Variants in MTMR2 observed in about 807,000 individuals in gnomAD.
MTMR2 encodes the protein phosphatidylinositol-3,5-bisphosphate 3-phosphatase MTMR2.
MTMR2 carries 55 observed loss-of-function variants against 86.9 expected under a neutral mutation model. That is an observed-to-expected ratio of 0.63 (90% CI 0.51 to 0.79). The LOEUF (loss-of-function observed/expected upper bound fraction) is 0.79, where lower values mean the gene tolerates loss of function less well. MTMR2 is among the 30% of genes least tolerant of loss of function. The pLI is 0.00. For synonymous variants in MTMR2, 241 were observed against 266.8 expected (o/e 0.90, Z 0.94); for missense variants, 659 against 772.3 (o/e 0.85, Z 1.74).
intron 1 of MTMR2, among the ~76,000 whole-genome samples, chr11:95,918,353 G>A (rs890377887): frequency 6.6e-6 from 1 of 152,166 alleles, no homozygotes; most frequent in African/African-American, 2.4e-5. Context: ...AAGAGATACT[G>A]ATGCTACTGG....
chr11:95,840,131 G>T (rs1863480793), intron 12 of MTMR2: 1 of 152,102 alleles, frequency 6.6e-6, no homozygotes, highest in African/African-American at 2.4e-5. Flanking sequence ...AGATTATCGT[G>T]TACTCTTCTT....
intron 2 of MTMR2, among the ~76,000 whole-genome samples, chr11:95,871,769 T>G (rs190994213): frequency 6.6e-6 from 1 of 152,348 alleles, no homozygotes; most frequent in South Asian, 2.1e-4. Context: ...TTGGCTTTTG[T>G]TGCCATTGCT....
At position 95,835,232 on chromosome 11, in the gene MTMR2, T is replaced by C; in HGVS notation, c.*58A>G. On this transcript the variant is annotated 3_prime_UTR_variant, in exon 15 of 15. Coordinates refer to ENST00000346299, the MANE Select transcript of MTMR2 (RefSeq NM_016156.6). ...CTAAATTCCGAAGACTTTCTACTCATAGAGCTGCCAGTGTAATCAAGAGTG... is the reference window on the plus strand; with the variant it reads ...CTAAATTCCGAAGACTTTCTACTCACAGAGCTGCCAGTGTAATCAAGAGTG... 4.5e-6 allele frequency: 7 copies of C among 1,565,706 alleles called. No individual in the cohort carries two copies. The highest frequency in any genetic ancestry group is 6.2e-6 in the Non-Finnish European group (7 of 1,137,784).
intron 1 of MTMR2, among the ~76,000 whole-genome samples, chr11:95,922,922 C>T (rs915650519): frequency 2.0e-5 from 3 of 152,140 alleles, no homozygotes; most frequent in African/African-American, 7.2e-5. Context: ...TTTCACACAG[C>T]AGTTATCGAA....
At chr11:95,852,912 G>A (rs1283630552) in intron 7 of MTMR2, among the ~76,000 whole-genome samples, 1 of 151,878 alleles carries the variant, frequency 6.6e-6, no homozygotes, top group Non-Finnish European at 1.5e-5. Context: ...ACTCATGCCT[G>A]TAAGCCCAGC....
Position 95,886,581 on chromosome 11 carries a change from T to A in MTMR2, c.186+1575A>T, listed in dbSNP as rs1038471130. ...TTCACATGTATGTCGAGTTAAGTAG[T>A]TTAAACTAATACTCACAAGTATACA... is the stretch of plus-strand genomic sequence containing the variant. On this transcript the variant is annotated intron_variant, in intron 2 of 14. Transcript: ENST00000346299. Among the ~76,000 whole-genome samples the A allele has an allele frequency of 2.0e-5, 3 of 152,142 alleles. No homozygotes were observed. In the South Asian group the frequency reaches 6.2e-4, roughly 32 times the overall value.
rs121434403 is a variant in MTMR2 at position 95,849,841 on chromosome 11, C to T, written c.826G>A (p.Glu276Lys). 1 of 1,614,094 alleles carries T rather than the reference C, an allele frequency of 6.2e-7. No individual in the cohort carries two copies. ...CACCGAGTGATTGTGGCTTGACTTT[C>T]AGGATGAATCCATGATAAAACCTTA... ...RIPVLSWIHP[E>K]SQATITRCSQ... is the part of the protein sequence containing the mutation. Residue 276 changes from glutamate (E) to lysine (K), a missense_variant, in exon 9 of 15, where the codon GAA (glutamate) becomes AAA (lysine). Transcript: ENST00000346299.
At position 95,849,761 on chromosome 11, in the gene MTMR2, G is replaced by A. The variant is rs1425795178; in HGVS notation, c.906C>T (p.Tyr302=). The A allele has an allele frequency of 1.2e-6, 2 of 1,614,064 alleles. No individual in the cohort carries two copies. The highest frequency in any genetic ancestry group is 1.3e-5 in the African/African-American group (1 of 75,032). Reference sequence around the variant, plus strand: ...CATTGGAATCCATGATAGCTTGAAGGTATTTTTCATCTTCTTTGCTTCGCT... The same window carrying A: ...CATTGGAATCCATGATAGCTTGAAGATATTTTTCATCTTCTTTGCTTCGCT... ...SGKRSKEDEK[Y]LQAIMDSNAQ... Residue 302 remains tyrosine (Y), a synonymous_variant, in exon 9 of 15, where the codon TAC becomes TAT. Transcript: ENST00000346299.
intron 12 of MTMR2, among the ~76,000 whole-genome samples, chr11:95,840,279 T>A (rs1212050479): frequency 6.6e-6 from 1 of 152,166 alleles, no homozygotes; most frequent in African/African-American, 2.4e-5. Flanking sequence ...TTCAAAGAGC[T>A]TTCCTACTCC....
chr11:95,870,080 G>T (rs1403758655), intron 2 of MTMR2, among the ~76,000 whole-genome samples: 1 of 152,076 alleles, frequency 6.6e-6, no homozygotes, highest in Non-Finnish European at 1.5e-5. Context: ...ATATTTATTT[G>T]CATGCTGACA....
chr11:95,873,784 G>A (rs886317526), intron 2 of MTMR2, among the ~76,000 whole-genome samples: 1 of 151,966 alleles, frequency 6.6e-6, no homozygotes, highest in Admixed American at 6.5e-5. Context: ...CAGAGATTCT[G>A]GTATGTTGTG....
chr11:95,840,403 A>G lies in MTMR2; in HGVS notation c.1479+1214T>C, dbSNP rs1275154471. The stretch of plus-strand genomic sequence containing the variant: ...GGTCAAACATCCAAAAAAGGATTGT[A>G]GGGACTTAGGTAGTTGATATACTGC... On this transcript the variant is annotated intron_variant, in intron 12 of 14. Transcript: ENST00000346299. 2.0e-5 allele frequency among the ~76,000 whole-genome samples: 3 copies of G among 152,156 alleles called. No individual in the cohort carries two copies. The East Asian group carries it at 5.8e-4, about 29-fold the overall frequency.
intron 2 of MTMR2, among the ~76,000 whole-genome samples, chr11:95,876,611 A>T (rs1865121792): frequency 6.6e-6 from 1 of 152,156 alleles, no homozygotes; most frequent in African/African-American, 2.4e-5. Flanking sequence ...TTATCAAGAA[A>T]AGTCTGATAA....
chr11:95,846,350 A>G (rs1012153555), intron 10 of MTMR2, among the ~76,000 whole-genome samples: 10 of 152,226 alleles, frequency 6.6e-5, no homozygotes, highest in African/African-American at 2.4e-4. Context: ...CAGGGAACAA[A>G]GTTCCTGCTT....
intron 7 of MTMR2, among the ~76,000 whole-genome samples, chr11:95,855,785 G>A (rs1020795572): frequency 1.3e-5 from 2 of 152,012 alleles, no homozygotes; most frequent in Admixed American, 6.5e-5. Flanking sequence ...ATCCCATAAC[G>A]TGGTATCTAT....
At chr11:95,865,236 A>G (rs930413493) in intron 3 of MTMR2, among the ~76,000 whole-genome samples, 2 of 152,206 alleles carry the variant, frequency 1.3e-5, no homozygotes, top group Non-Finnish European at 2.9e-5. Context: ...TGACAATTCA[A>G]TGTTTTTATC....
intron 2 of MTMR2, among the ~76,000 whole-genome samples, chr11:95,873,615 T>C (rs1446475542): frequency 6.6e-6 from 1 of 150,486 alleles, no homozygotes; most frequent in Non-Finnish European, 1.5e-5. Flanking sequence ...TGCTCTGATC[T>C]TAGTTACTTC....
At chr11:95,860,157 C>A (rs1177297226) in intron 5 of MTMR2, among the ~76,000 whole-genome samples, 1 of 152,170 alleles carries the variant, frequency 6.6e-6, no homozygotes, top group Non-Finnish European at 1.5e-5. Context: ...AAACAGTGTG[C>A]TTGACACATG....
At chr11:95,856,598 A>G (rs1005051026) in intron 7 of MTMR2, among the ~76,000 whole-genome samples, 2 of 151,702 alleles carry the variant, frequency 1.3e-5, no homozygotes, top group African/African-American at 4.8e-5. Flanking sequence ...AAGCATCCAT[A>G]CCATTTTATG....
Sources: allele counts gnomAD v4.1 joint callset (sites outside exome capture counted in the v4.1 genomes callset), GRCh38; gene constraint gnomAD v4.1.1; transcripts MANE v1.5; gene names NCBI Gene and HGNC (gene_info 2026-07-23, HGNC 2026-07-21).